OTOP2: variants seen among roughly 807,000 people sequenced by gnomAD.
OTOP2 encodes the protein otopetrin 2.
OTOP2 carries 41 observed loss-of-function variants against 47.4 expected under a neutral mutation model. The ratio of observed to expected loss-of-function variants is 0.87; its 90% CI spans 0.67 to 1.12. The LOEUF (loss-of-function observed/expected upper bound fraction) is 1.12. Among genes scored for constraint, OTOP2 ranks in the 50% most tolerant of loss-of-function variants. OTOP2 has a pLI of 0.00. For missense variants in OTOP2, 721 were observed against 752.2 expected (o/e 0.96, Z 0.49); for synonymous variants, 328 against 319.6 (o/e 1.03, Z -0.28).
At chr17:74,927,975 G>T (rs939160611) in intron 5 of OTOP2, 177 bp downstream of exon 5, 1 of 845,102 alleles carries the variant, frequency 1.2e-6, no homozygotes, top group African/African-American at 1.7e-5. Context: ...GACCCCAGAA[G>T]GGAAGTATCA....
rs752313299 is a variant in OTOP2 at position 74,924,694 on chromosome 17, G to A, written c.62G>A (p.Arg21Lys). The stretch of plus-strand genomic sequence containing the variant: ...CCCCCGGCGCCGCGTGCGGGCCCCA[G>A]GGAGGTGTGGAAGAAGGGTGGCCGC... ...ESPPAPRAGP[R>K]EVWKKGGRLL... The change falls in exon 2 of 7, where the codon AGG (arginine) becomes AAG (lysine). Residue 21 changes from arginine (R) to lysine (K), a missense_variant. Physicochemically the swap from Arg to Lys is conservative, Grantham distance 26. Transcript: ENST00000331427. This position sits in a 1 kb window ranked among gnomAD's most constrained non-coding sequence, Gnocchi z 7.7. 2.5e-6 allele frequency: 4 copies of A among 1,602,432 alleles called. No individual in the cohort carries two copies. The highest frequency in any genetic ancestry group is 2.2e-5 in the South Asian group (2 of 89,632).
At chr17:74,927,082 C>A (rs2039014161) in intron 3 of OTOP2, 141 bp from the exon 4 acceptor site, 2 of 833,272 alleles carry the variant, frequency 2.4e-6, no homozygotes, top group Non-Finnish European at 2.1e-6. Context: ...GCCTCCACCT[C>A]ATTTTGTGAA....
chr17:74,931,633 C>T (rs996323012), intron 6 of OTOP2, among the ~76,000 whole-genome samples: 5 of 152,144 alleles, frequency 3.3e-5, no homozygotes, highest in African/African-American at 1.2e-4. Context: ...ACAGCCACCC[C>T]CTCCCTAGTG....
chr17:74,927,577 A>G, intron 4 of OTOP2, 88 bp from the exon 5 acceptor site: 1 of 1,517,536 alleles, frequency 6.6e-7, no homozygotes, highest in South Asian at 1.3e-5. Flanking sequence ...TGGCTGCTTT[A>G]TCATTTCTCA....
Position 74,930,929 on chromosome 17 carries a change from G to T in OTOP2, c.1294G>T (p.Ala432Ser). Residue 432 changes from alanine to serine, a missense_variant, in exon 6 of 7, where the codon GCT becomes TCT. Coordinates refer to ENST00000331427, the MANE Select transcript of OTOP2 (RefSeq NM_178160.3). The surrounding 1 kb of genome is among the most constrained non-coding windows in gnomAD (Gnocchi z 4.0). ...GAGCCTTCACCGAGGACCGCCCGGG[G>T]CTGAGCCTCACAGTACCCACCCCAA... ...IESLHRGPPG[A>S]EPHSTHPKEP... is the part of the protein sequence containing the mutation. 6 of 1,613,980 alleles carry T rather than the reference G, an allele frequency of 3.7e-6. No homozygotes were observed. The highest frequency in any genetic ancestry group is 5.1e-6 in the Non-Finnish European group (6 of 1,179,998).
At chr17:74,925,434 A>C (rs1444948967) in intron 2 of OTOP2, 122 bp from the exon 3 acceptor site, 18 of 1,277,036 alleles carry the variant, frequency 1.4e-5, no homozygotes, top group Non-Finnish European at 5.5e-6. Flanking sequence ...CCAACAGTGC[A>C]CTCACTCACC....
chr17:74,929,643 C>T (rs971295222), intron 5 of OTOP2, among the ~76,000 whole-genome samples: 2 of 152,024 alleles, frequency 1.3e-5, no homozygotes, highest in African/African-American at 4.8e-5. Flanking sequence ...CCAGGCTGGC[C>T]TCAAACTCCT....
Position 74,930,883 on chromosome 17 carries a change from C to T in OTOP2, c.1248C>T (p.Phe416=), listed in dbSNP as rs201847558. The part of the protein sequence containing the change: ...HALLMIAQHT[F]QNMFIIESLH... ...TGCTCATGATCGCCCAGCACACCTT[C>T]CAGAACATGTTTATCATCGAGAGCC... is the stretch of plus-strand genomic sequence containing the variant. Residue 416 remains phenylalanine, a synonymous_variant, in exon 6 of 7, where the codon TTC becomes TTT. Transcript: ENST00000331427. The surrounding 1 kb of genome is among the most constrained non-coding windows in gnomAD (Gnocchi z 4.0). 1.2e-5 allele frequency: 20 copies of T among 1,614,078 alleles called. No homozygotes were observed. In the Admixed American group the frequency reaches 2.2e-4, roughly 17 times the overall value.
Position 74,925,000 on chromosome 17 carries a change from A to G in OTOP2, c.313+55A>G. 2 of 1,487,222 alleles carry G rather than the reference A, an allele frequency of 1.3e-6. No individual in the cohort carries two copies. Among genetic ancestry groups the G allele is most frequent in the Non-Finnish European group, 1.8e-6 (2 of 1,115,450 alleles). 92.1% of individuals were successfully genotyped at this position (1,487,222 alleles called of 1,614,324 possible). A position where few individuals can be genotyped will look rare whatever the true frequency, so the allele number is the denominator to read the frequency against. Reference sequence around the variant, plus strand: ...TGGGCACAACAGGGAGCTGCAGGCTAGGGCTCTCGCAGGAGTTGCAGAGTG... The same window carrying G: ...TGGGCACAACAGGGAGCTGCAGGCTGGGGCTCTCGCAGGAGTTGCAGAGTG... On this transcript the variant is annotated intron_variant, in intron 2 of 6. Coordinates refer to ENST00000331427, the MANE Select transcript of OTOP2 (RefSeq NM_178160.3). The surrounding 1 kb of genome is among the most constrained non-coding windows in gnomAD (Gnocchi z 7.7).
chr17:74,933,889 C>T lies in OTOP2; in HGVS notation c.*344C>T, dbSNP rs184292713. On this transcript the variant is annotated 3_prime_UTR_variant, in exon 7 of 7. Transcript: ENST00000331427. The surrounding 1 kb of genome is among the most constrained non-coding windows in gnomAD (Gnocchi z 4.7). ...CAGTGTACTGCCCGGAGCTGGAAACCAATAAACCTGTGATTTGCCCCCATC... is the reference window on the plus strand; with the variant it reads ...CAGTGTACTGCCCGGAGCTGGAAACTAATAAACCTGTGATTTGCCCCCATC... 1.5e-5 allele frequency: 3 copies of T among 197,710 alleles called. No homozygotes were observed. The highest frequency in any genetic ancestry group is 1.7e-4 in the South Asian group (1 of 6,016). The allele number at this position is 197,710 out of a possible 1,614,324, so 12.2% of individuals were successfully genotyped here.
intron 6 of OTOP2, among the ~76,000 whole-genome samples, chr17:74,932,093 A>G (rs2039065124): frequency 2.6e-5 from 4 of 152,122 alleles, no homozygotes; most frequent in Admixed American, 2.6e-4. Flanking sequence ...AGTACAACCC[A>G]AGACAGAAAT....
intron 4 of OTOP2, 37 bp from the exon 5 acceptor site, chr17:74,927,628 C>T: frequency 2.5e-6 from 4 of 1,595,084 alleles, no homozygotes; most frequent in Non-Finnish European, 3.4e-6. Flanking sequence ...GCCAAAGGGT[C>T]ACAGGCCTCT....
At position 74,924,869 on chromosome 17, in the gene OTOP2, C is replaced by A; in HGVS notation, c.237C>A (p.Phe79Leu). 1 of 1,604,536 alleles carries A rather than the reference C, an allele frequency of 6.2e-7. No individual in the cohort carries two copies. The highest frequency in any genetic ancestry group is 8.5e-7 in the Non-Finnish European group (1 of 1,176,084). The change falls in exon 2 of 7, where the codon TTC (phenylalanine) becomes TTA (leucine). Residue 79 changes from phenylalanine to leucine, a missense_variant. Transcript: ENST00000331427. The surrounding 1 kb of genome is among the most constrained non-coding windows in gnomAD (Gnocchi z 7.7). ...MMLLATLWIL[F>L]YLLRTVRCPC... ...TGCTGGCAACGCTCTGGATCCTCTTCTACCTCCTCCGAACCGTGCGCTGCC... is the reference window on the plus strand; with the variant it reads ...TGCTGGCAACGCTCTGGATCCTCTTATACCTCCTCCGAACCGTGCGCTGCC...
rs754960311 is a variant in OTOP2 at position 74,924,858 on chromosome 17, T to C, written c.226T>C (p.Trp76Arg). 1.9e-6 allele frequency: 3 copies of C among 1,607,290 alleles called. No homozygotes were observed. In the South Asian group the frequency reaches 3.3e-5, roughly 18 times the overall value. ...TGCGATGATGCTGCTGGCAACGCTCTGGATCCTCTTCTACCTCCTCCGAAC... is the reference window on the plus strand; with the variant it reads ...TGCGATGATGCTGCTGGCAACGCTCCGGATCCTCTTCTACCTCCTCCGAAC... ...LTAMMLLATL[W>R]ILFYLLRTVR... is the part of the protein sequence containing the mutation. The change falls in exon 2 of 7, where the codon TGG becomes CGG. Residue 76 changes from tryptophan (W) to arginine (R), a missense_variant. By Grantham distance (101) the Trp-to-Arg change is moderately radical. Transcript: ENST00000331427. This position sits in a 1 kb window ranked among gnomAD's most constrained non-coding sequence, Gnocchi z 7.7.
At chr17:74,926,452 C>T (rs1340943857) in intron 3 of OTOP2, among the ~76,000 whole-genome samples, 2 of 151,928 alleles carry the variant, frequency 1.3e-5, no homozygotes, top group African/African-American at 4.8e-5. Context: ...AGGCCTGGTA[C>T]GGTGACAGAG....
chr17:74,927,903 A>G (rs2039024413), intron 5 of OTOP2, 105 bp downstream of exon 5: 1 of 1,418,780 alleles, frequency 7.0e-7, no homozygotes. Context: ...GCATAGAGGC[A>G]AAGGACAGAG....
chr17:74,931,891 G>A (rs975444736), intron 6 of OTOP2, among the ~76,000 whole-genome samples: 4 of 147,760 alleles, frequency 2.7e-5, no homozygotes, highest in African/African-American at 5.0e-5. Flanking sequence ...AGGAGGCGGA[G>A]GTTGCAGTGA....
intron 5 of OTOP2, among the ~76,000 whole-genome samples, chr17:74,928,561 G>C (rs1055658842): frequency 2.6e-5 from 4 of 152,144 alleles, no homozygotes; most frequent in Non-Finnish European, 4.4e-5. Flanking sequence ...ACTGTGCTGA[G>C]TGTCTTAAAC....
chr17:74,930,654 C>G lies in OTOP2; in HGVS notation c.1019C>G (p.Thr340Ser). Residue 340 changes from threonine (T) to serine (S), a missense_variant, in exon 6 of 7, where the codon ACC becomes AGC. Physicochemically the swap from Thr to Ser is moderately conservative, Grantham distance 58. Transcript: ENST00000331427. This position sits in a 1 kb window ranked among gnomAD's most constrained non-coding sequence, Gnocchi z 4.0. ...SFNIVCLGLT[T>S]LVSLSGSIIY... Reference sequence around the variant, plus strand: ...AACATTGTCTGCTTGGGACTCACCACCTTGGTCAGCCTGAGCGGCTCCATC... The same window carrying G: ...AACATTGTCTGCTTGGGACTCACCAGCTTGGTCAGCCTGAGCGGCTCCATC... 3 of 1,614,080 alleles carry G rather than the reference C, an allele frequency of 1.9e-6. No individual in the cohort carries two copies. Among genetic ancestry groups the G allele is most frequent in the Non-Finnish European group, 2.5e-6 (3 of 1,180,026 alleles).
Sources: gnomAD v4.1 joint callset for allele counts (sites outside exome capture counted in the v4.1 genomes callset) on GRCh38, gnomAD v4.1.1 for gene constraint, Gnocchi (gnomAD v3.1) non-coding constraint, MANE v1.5 for transcripts, NCBI Gene and HGNC (gene_info 2026-07-23, HGNC 2026-07-21) for gene names.